The following ITPR2 variants were observed in gnomAD, a reference collection of about 807,000 sequenced individuals.
ITPR2 encodes inositol 1,4,5-trisphosphate-gated calcium channel ITPR2.
In ITPR2, 207 loss-of-function variants were observed where a neutral mutation model predicts 317.1. The ratio of observed to expected loss-of-function variants is 0.65; its 90% CI spans 0.58 to 0.73. The LOEUF (loss-of-function observed/expected upper bound fraction) is 0.73, where lower values mean the gene tolerates loss of function less well. Ranked by LOEUF, ITPR2 falls within the 30% of genes least tolerant of loss-of-function variation. ITPR2 has a pLI of 0.00. For synonymous variants in ITPR2, 1,156 were observed against 1,149.1 expected (o/e 1.01, Z -0.12); for missense variants, 2,613 against 3,284.0 (o/e 0.80, Z 4.99).
intron 45 of ITPR2, among the ~76,000 whole-genome samples, chr12:26,448,529 T>C (rs1357450920): frequency 6.6e-6 from 1 of 152,192 alleles, no homozygotes; most frequent in Non-Finnish European, 1.5e-5. Flanking sequence ...TAGGTCATTA[T>C]TGCAAATAGA....
At chr12:26,730,637 C>G (rs1315037994) in intron 2 of ITPR2, among the ~76,000 whole-genome samples, 2 of 152,168 alleles carry the variant, frequency 1.3e-5, no homozygotes. Context: ...GTAATCCAAC[C>G]AGACATATGT....
At chr12:26,730,749 C>A (rs937569624) in intron 2 of ITPR2, among the ~76,000 whole-genome samples, 1 of 152,132 alleles carries the variant, frequency 6.6e-6, no homozygotes, top group African/African-American at 2.4e-5. Context: ...CAGAAGTGTT[C>A]ATTTTAAACT....
intron 26 of ITPR2, among the ~76,000 whole-genome samples, chr12:26,617,703 A>AAGGAAGGAGGGAAGGAAGGAGG (rs1946401500): frequency 1.4e-4 from 12 of 85,750 alleles, no homozygotes; most frequent in African/African-American, 3.5e-4. Context: ...AAGGAAGGAG[A>AAGGAAGGAGGGAAGGAAGGAGG]GAAGGAAGGA....
intron 10 of ITPR2, among the ~76,000 whole-genome samples, chr12:26,689,238 G>A (rs893109066): frequency 7.2e-5 from 11 of 152,028 alleles, no homozygotes; most frequent in Non-Finnish European, 1.3e-4. Context: ...GCAACATGGC[G>A]AAACCCCATC....
At chr12:26,568,005 ATT>A (rs1945047410) in intron 34 of ITPR2, among the ~76,000 whole-genome samples, 1 of 5,228 alleles carries the variant, frequency 1.9e-4, no homozygotes, top group African/African-American at 4.7e-4. Flanking sequence ...TATTATATAT[ATT>A]ATATATATAT....
rs1463692714 is a variant in ITPR2, at chr12:26,336,466, A to G, written c.*2931T>C. 1.4e-4 allele frequency: 22 copies of G among 152,230 alleles called. No homozygotes were observed. The highest frequency in any genetic ancestry group is 1.4e-3 in the Admixed American group (22 of 15,282). The allele number at this position is 152,230 out of a possible 1,614,324, so 9.4% of individuals were successfully genotyped here. A position where few individuals can be genotyped will look rare whatever the true frequency, so the allele number is the denominator to read the frequency against. On this transcript the variant is annotated 3_prime_UTR_variant, in exon 57 of 57. Transcript: ENST00000381340. ...CAGAAAAATATTGATGTGCAAGAAA[A>G]TAAGCTTATTTCTAACTTAATTTTT... is the stretch of plus-strand genomic sequence containing the variant.
chr12:26,423,690 T>C (rs1424086010), intron 49 of ITPR2, among the ~76,000 whole-genome samples: 2 of 152,192 alleles, frequency 1.3e-5, no homozygotes, highest in Non-Finnish European at 2.9e-5. Flanking sequence ...CCCAAATTTA[T>C]AAAATATGTG....
At chr12:26,801,455 T>C (rs1313507163) in intron 1 of ITPR2, among the ~76,000 whole-genome samples, 1 of 152,184 alleles carries the variant, frequency 6.6e-6, no homozygotes, top group African/African-American at 2.4e-5. Flanking sequence ...ATAGATATGA[T>C]ATGATTGGCA....
chr12:26,488,223 T>C (rs1942716220), intron 39 of ITPR2, among the ~76,000 whole-genome samples: 1 of 152,020 alleles, frequency 6.6e-6, no homozygotes, highest in South Asian at 2.1e-4. Context: ...AGATAATAAC[T>C]CCCTAACTGT....
intron 11 of ITPR2, among the ~76,000 whole-genome samples, chr12:26,683,536 C>T (rs1051575905): frequency 3.3e-5 from 5 of 152,148 alleles, no homozygotes; most frequent in Admixed American, 6.6e-5. Flanking sequence ...GTGCTGTTGA[C>T]CACAAGTTCA....
intron 26 of ITPR2, among the ~76,000 whole-genome samples, chr12:26,614,458 CAT>C (rs1946333296): frequency 6.6e-6 from 1 of 152,182 alleles, no homozygotes; most frequent in African/African-American, 2.4e-5. Context: ...AGCAGGAAAA[CAT>C]ACCCTATGTC....
chr12:26,740,085 T>C (rs1293927792), intron 2 of ITPR2, among the ~76,000 whole-genome samples: 1 of 152,174 alleles, frequency 6.6e-6, no homozygotes, highest in Non-Finnish European at 1.5e-5. Flanking sequence ...CACCCAGGGG[T>C]ACAGCAGGTA....
intron 45 of ITPR2, among the ~76,000 whole-genome samples, chr12:26,455,681 G>C (rs1019617692): frequency 1.4e-4 from 22 of 152,230 alleles, no homozygotes; most frequent in African/African-American, 5.3e-4. Context: ...GAGAGGAAGG[G>C]AAGAAAGAGA....
In ITPR2 at chr12:26,824,516, T is replaced by C. The variant is rs147374017; in HGVS notation, c.92+8174A>G. 4.7e-3 allele frequency among the ~76,000 whole-genome samples: 721 copies of C among 152,288 alleles called. 4 individuals carry two copies. Among genetic ancestry groups the C allele is most frequent in the African/African-American group, 0.017 (697 of 41,556 alleles). On this transcript the variant is annotated intron_variant, in intron 1 of 56. Transcript: ENST00000381340. ...TGACTGTCTATTTCAGTAATAACAG[T>C]TTCTCAGTTTGTGGTTTTCCTCCAC... is the stretch of plus-strand genomic sequence containing the variant.
intron 32 of ITPR2, among the ~76,000 whole-genome samples, chr12:26,585,623 T>G (rs986901116): frequency 1.3e-5 from 2 of 152,134 alleles, no homozygotes; most frequent in African/African-American, 4.8e-5. Context: ...CAGGCTGGTC[T>G]CGAACTCCTG....
Position 26,494,157 on chromosome 12 carries a change from G to A in ITPR2, c.5366C>T (p.Thr1789Ile). The stretch of plus-strand genomic sequence containing the variant: ...CCATGATTGATGAACAAGTACCTGT[G>A]TTTGTGTATTTCCTCCTTCAAGCAA... ...IALLEGGNTQTQYSFYQQLHE... is the reference protein window; with the variant it reads ...IALLEGGNTQIQYSFYQQLHE... Residue 1789 changes from threonine (T) to isoleucine (I), a missense_variant, in exon 39 of 57, where the codon ACA becomes ATA. Coordinates refer to ENST00000381340, the MANE Select transcript of ITPR2 (RefSeq NM_002223.4). 6.2e-7 allele frequency: 1 copy of A among 1,609,018 alleles called. No homozygotes were observed. Among genetic ancestry groups the A allele is most frequent in the Non-Finnish European group, 8.5e-7 (1 of 1,177,164 alleles).
chr12:26,575,708 T>C (rs1467852686), intron 34 of ITPR2, among the ~76,000 whole-genome samples: 3 of 152,228 alleles, frequency 2.0e-5, no homozygotes, highest in Non-Finnish European at 4.4e-5. Context: ...TGAAGTCTTA[T>C]TACTTAGAAA....
At chr12:26,504,833 A>T (rs1283040123) in intron 37 of ITPR2, among the ~76,000 whole-genome samples, 1 of 152,242 alleles carries the variant, frequency 6.6e-6, no homozygotes, top group African/African-American at 2.4e-5. Flanking sequence ...GTGACAGGAA[A>T]ATTGACAAAT....
intron 8 of ITPR2, among the ~76,000 whole-genome samples, chr12:26,713,737 CAG>C (rs1462605751): frequency 6.6e-6 from 1 of 152,174 alleles, no homozygotes; most frequent in Non-Finnish European, 1.5e-5. Context: ...ATTTCATTAA[CAG>C]AGTTTTAAAT....
Sources: gnomAD v4.1 joint callset for allele counts (sites outside exome capture counted in the v4.1 genomes callset) on GRCh38, gnomAD v4.1.1 for gene constraint, MANE v1.5 for transcripts, NCBI Gene and HGNC (gene_info 2026-07-23, HGNC 2026-07-21) for gene names.